Variants in PKHD1 observed in about 807,000 individuals in gnomAD.
PKHD1 encodes fibrocystin.
A neutral mutation model predicts 412.0 loss-of-function variants in PKHD1; 291 were observed. The observed-to-expected ratio is 0.71, with a 90% CI of 0.64 to 0.78. The LOEUF (loss-of-function observed/expected upper bound fraction) is 0.78. PKHD1 is among the 30% of genes least tolerant of loss of function. The pLI is 0.00. For synonymous variants in PKHD1, 1,777 were observed against 1,821.5 expected, an observed-to-expected ratio of 0.98 and a Z score of 0.62; for missense variants, 4,825 against 4,950.7, an observed-to-expected ratio of 0.97 and a Z score of 0.76.
At chr6:52,060,276 G>A (rs1385426032) in intron 14 of PKHD1, among the ~76,000 whole-genome samples, 3 of 152,178 alleles carry the variant, frequency 2.0e-5, no homozygotes, top group African/African-American at 4.8e-5. Context: ...TGTCATGTTT[G>A]GGAAAGTTGT....
Position 51,739,785 on chromosome 6 carries a change from CT to C in PKHD1, c.10156+4599del, listed in dbSNP as rs371155781. Among the ~76,000 whole-genome samples, 1,454 of 148,858 alleles carry C rather than the reference CT, an allele frequency of 9.8e-3. 16 individuals carry two copies. Among genetic ancestry groups the C allele is most frequent in the Non-Finnish European group, 0.013 (894 of 66,842 alleles). ...TAGTTTTCATTTTACCTCCCTTCCACTTTTTTTTTTGTCATGGCTGAGAAAT... is the reference window on the plus strand; with the variant it reads ...TAGTTTTCATTTTACCTCCCTTCCACTTTTTTTTTGTCATGGCTGAGAAAT... On this transcript the variant is annotated intron_variant, in intron 60 of 66. Coordinates refer to ENST00000371117, the MANE Select transcript of PKHD1 (RefSeq NM_138694.4).
At chr6:51,985,622 G>C (rs908892746) in intron 35 of PKHD1, among the ~76,000 whole-genome samples, 1 of 152,000 alleles carries the variant, frequency 6.6e-6, no homozygotes, top group Non-Finnish European at 1.5e-5. Flanking sequence ...CCAGCTACTC[G>C]GGAGGCTGAG....
chr6:51,990,845 A>G (rs72897916), intron 35 of PKHD1, among the ~76,000 whole-genome samples: 9,238 of 152,212 alleles, frequency 0.061, 331 homozygotes, highest in East Asian at 0.13. Flanking sequence ...CTACATTTCA[A>G]ACTCATAGCT....
intron 36 of PKHD1, among the ~76,000 whole-genome samples, chr6:51,956,477 T>C (rs928735683): frequency 1.3e-5 from 2 of 152,042 alleles, no homozygotes; most frequent in African/African-American, 4.8e-5. Context: ...CATAAAATTT[T>C]TGAGCCTTCG....
At chr6:51,757,000 T>A (rs934021170) in intron 55 of PKHD1, among the ~76,000 whole-genome samples, 2 of 152,030 alleles carry the variant, frequency 1.3e-5, no homozygotes, top group Non-Finnish European at 2.9e-5. Flanking sequence ...CAGTTCACAA[T>A]AGAGTTTGCA....
intron 37 of PKHD1, among the ~76,000 whole-genome samples, chr6:51,928,145 G>A (rs1033078756): frequency 6.6e-6 from 1 of 152,266 alleles, no homozygotes; most frequent in South Asian, 2.1e-4. Flanking sequence ...AAGAGTGAGG[G>A]AGCAGACCCT....
At chr6:52,064,874 A>AGGCCGGGCGCGGTGGCTCGCGCCTGT (rs759868981) in intron 13 of PKHD1, 81 bp downstream of exon 13, 1 of 726,360 alleles carries the variant, frequency 1.4e-6, no homozygotes, top group African/African-American at 1.9e-5. Flanking sequence ...GAAAGAATTC[A>AGGCCGGGCGCGGTGGCTCGCGCCTGT]AACACTTTTA....
chr6:51,625,577 A>G (rs896095287), intron 66 of PKHD1, among the ~76,000 whole-genome samples: 7 of 152,128 alleles, frequency 4.6e-5, no homozygotes, highest in African/African-American at 1.7e-4. Flanking sequence ...AAACTTTTCC[A>G]CAGAGCCCTT....
intron 35 of PKHD1, among the ~76,000 whole-genome samples, chr6:51,981,210 C>T (rs1292921045): frequency 6.8e-6 from 1 of 146,194 alleles, no homozygotes; most frequent in Non-Finnish European, 1.5e-5. Flanking sequence ...ACCTCTACTC[C>T]GATTGCACAG....
At chr6:51,721,628 C>T (rs1328049882) in intron 60 of PKHD1, 1 of 1,111,990 alleles carries the variant, frequency 9.0e-7, no homozygotes, top group Non-Finnish European at 1.1e-6. Flanking sequence ...AAAGGCAAAG[C>T]TTAAGCAACC....
In PKHD1 at chr6:52,056,807, A is replaced by T. The variant is rs201996881; in HGVS notation, c.1603-19T>A. The T allele has an allele frequency of 3.5e-4, 558 of 1,603,074 alleles. No individual in the cohort carries two copies. Among genetic ancestry groups the T allele is most frequent in the Non-Finnish European group, 4.6e-4 (536 of 1,169,878 alleles). On this transcript the variant is annotated intron_variant, in intron 17 of 66. Coordinates refer to ENST00000371117, the MANE Select transcript of PKHD1 (RefSeq NM_138694.4). ...TTTGAATCTATTACAAAGGAAAAAA[A>T]TGCCAGGAATTTATATCATGAGCAT...
chr6:52,025,235 AG>A lies in PKHD1; in HGVS notation c.4574del (p.Pro1525LeufsTer4), dbSNP rs1057516691. ...TTGCATTAAAAAAAGTTACATTGCA[AG>A]GAAGTTGATCATCCACAAATACCAT... ...EPMVFVDDQL[P>X]CNVTFFNASH... is the part of the protein sequence containing the mutation. On this transcript the variant is annotated frameshift_variant, in exon 32 of 67. Transcript: ENST00000371117. LOFTEE classifies it high-confidence loss of function. The A allele has an allele frequency of 6.2e-7, 1 of 1,614,166 alleles. No homozygotes were observed. The highest frequency in any genetic ancestry group is 8.5e-7 in the Non-Finnish European group (1 of 1,180,032).
At chr6:51,718,663 A>G (rs771149259) in intron 60 of PKHD1, among the ~76,000 whole-genome samples, 2 of 152,208 alleles carry the variant, frequency 1.3e-5, no homozygotes, top group Non-Finnish European at 2.9e-5. Flanking sequence ...TATCTGATCT[A>G]TAGATAAATA....
chr6:51,766,253 A>T (rs1012498954), intron 55 of PKHD1, among the ~76,000 whole-genome samples: 2 of 152,232 alleles, frequency 1.3e-5, no homozygotes, highest in South Asian at 2.1e-4. Flanking sequence ...ACCAAAGCAT[A>T]CCTATCAAGA....
At chr6:51,962,501 C>G (rs999351516) in intron 35 of PKHD1, among the ~76,000 whole-genome samples, 1 of 152,106 alleles carries the variant, frequency 6.6e-6, no homozygotes, top group African/African-American at 2.4e-5. Flanking sequence ...ACCTCTTGGC[C>G]TAGCCTGTCA....
At chr6:51,856,316 T>C (rs1773303892) in intron 48 of PKHD1, among the ~76,000 whole-genome samples, 2 of 152,202 alleles carry the variant, frequency 1.3e-5, no homozygotes, top group African/African-American at 4.8e-5. Flanking sequence ...GTGGTGACTC[T>C]CAGGTTTTTT....
intron 35 of PKHD1, among the ~76,000 whole-genome samples, chr6:51,977,013 T>C (rs1794551117): frequency 6.6e-6 from 1 of 151,238 alleles, no homozygotes. Flanking sequence ...TATTCTTGGG[T>C]TCTGTAATTC....
chr6:51,956,946 C>T (rs1791246536), intron 36 of PKHD1, among the ~76,000 whole-genome samples: 1 of 152,034 alleles, frequency 6.6e-6, no homozygotes, highest in African/African-American at 2.4e-5. Flanking sequence ...GTTGAGATTC[C>T]ACTGGAGGTT....
At chr6:51,723,586 C>A (rs1782197049) in intron 60 of PKHD1, among the ~76,000 whole-genome samples, 2 of 152,176 alleles carry the variant, frequency 1.3e-5, no homozygotes, top group Non-Finnish European at 2.9e-5. Flanking sequence ...TGTGATAACA[C>A]AACTAACTCC....
Sources: gnomAD v4.1 joint callset for allele counts (sites outside exome capture counted in the v4.1 genomes callset) on GRCh38, gnomAD v4.1.1 for gene constraint, MANE v1.5 for transcripts, NCBI Gene and HGNC (gene_info 2026-07-23, HGNC 2026-07-21) for gene names.